Variants in SRP72 observed in about 807,000 individuals in gnomAD.
The protein encoded by SRP72 is signal recognition particle subunit SRP72.
In SRP72, 49 loss-of-function variants were observed where a neutral mutation model predicts 96.3. That is an observed-to-expected ratio of 0.51 (90% CI 0.40 to 0.65). SRP72 has a LOEUF of 0.65. Among genes scored for constraint, SRP72 ranks in the 30% least tolerant of loss-of-function variants. SRP72 has a pLI of 0.00. For synonymous variants in SRP72, 267 were observed against 275.2 expected (o/e 0.97, Z 0.30); for missense variants, 736 against 793.3 (o/e 0.93, Z 0.87).
chr4:56,499,237 A>G (rs1009796452), intron 17 of SRP72, among the ~76,000 whole-genome samples: 5 of 152,248 alleles, frequency 3.3e-5, no homozygotes, highest in Non-Finnish European at 7.3e-5. Flanking sequence ...CTCAAGATGG[A>G]TTAAAGACTT....
Position 56,502,483 on chromosome 4 carries a change from GT to G in SRP72, c.*623del, listed in dbSNP as rs1721296892. On this transcript the variant is annotated 3_prime_UTR_variant, in exon 19 of 19. Coordinates refer to ENST00000642900, the MANE Select transcript of SRP72 (RefSeq NM_006947.4). ...TTCATGTTTATATATATATATATAT[GT>G]ATATATATATACATATATATATATA... 2.2e-5 allele frequency: 2 copies of G among 91,098 alleles called. No individual in the cohort carries two copies. Among genetic ancestry groups the G allele is most frequent in the South Asian group, 6.7e-4 (2 of 2,980 alleles). 5.6% of individuals were successfully genotyped at this position (91,098 alleles called of 1,614,324 possible). A position where few individuals can be genotyped will look rare whatever the true frequency, so the allele number is the denominator to read the frequency against.
intron 1 of SRP72, among the ~76,000 whole-genome samples, chr4:56,468,867 T>C (rs972135396): frequency 3.3e-5 from 5 of 152,234 alleles, no homozygotes; most frequent in Admixed American, 6.5e-5. Flanking sequence ...TTTACCAGTA[T>C]GTTTTCTTAA....
At chr4:56,467,770 C>CCAGGGGGGG in intron 1 of SRP72, 26 bp downstream of exon 1, 4 of 567,260 alleles carry the variant, frequency 7.1e-6, no homozygotes, top group Non-Finnish European at 1.1e-5. Context: ...GGCACTGGGG[C>CCAGGGGGGG]GGGCCCAGGC....
intron 1 of SRP72, among the ~76,000 whole-genome samples, chr4:56,468,233 G>A (rs1231171233): frequency 6.6e-6 from 1 of 152,170 alleles, no homozygotes; most frequent in Non-Finnish European, 1.5e-5. Flanking sequence ...GGTGGAAGCT[G>A]TACGGGTTCT....
chr4:56,500,429 C>A, intron 17 of SRP72, 107 bp from the exon 18 acceptor site: 1 of 1,178,220 alleles, frequency 8.5e-7, no homozygotes, highest in South Asian at 1.8e-5. Context: ...CAAATAAATT[C>A]ATTTCCATTT....
intron 17 of SRP72, among the ~76,000 whole-genome samples, chr4:56,495,996 A>G (rs560148557): frequency 3.3e-5 from 5 of 152,308 alleles, no homozygotes; most frequent in African/African-American, 1.2e-4. Flanking sequence ...CCCTCTCCAG[A>G]CTTGGCAAGT....
At chr4:56,486,920 G>A (rs1043480620) in intron 11 of SRP72, among the ~76,000 whole-genome samples, 39 of 152,118 alleles carry the variant, frequency 2.6e-4, no homozygotes, top group Admixed American at 7.2e-4. Context: ...ATCTAACTTT[G>A]AATATCTAGA....
rs111802596 is a variant in SRP72 at position 56,474,719 on chromosome 4, T to C, written c.610+328T>C. ...TCACCACACCCAGCTAATTTTTGTATGTTTAGTAGAAATGGGGTTTCACCA... is the reference window on the plus strand; with the variant it reads ...TCACCACACCCAGCTAATTTTTGTACGTTTAGTAGAAATGGGGTTTCACCA... On this transcript the variant is annotated intron_variant, in intron 5 of 18. Transcript: ENST00000642900. 0.043 allele frequency among the ~76,000 whole-genome samples: 6,522 copies of C among 152,100 alleles called. 432 individuals are homozygous for C. Among genetic ancestry groups the C allele is most frequent in the African/African-American group, 0.15 (6,051 of 41,428 alleles).
intron 8 of SRP72, among the ~76,000 whole-genome samples, chr4:56,482,785 C>T (rs1008625915): frequency 6.6e-6 from 1 of 152,072 alleles, no homozygotes; most frequent in African/African-American, 2.4e-5. Flanking sequence ...TCAAAACAAG[C>T]AATTAATAGT....
chr4:56,476,568 C>G, intron 5 of SRP72, 103 bp from the exon 6 acceptor site: 1 of 1,215,940 alleles, frequency 8.2e-7, no homozygotes, highest in Non-Finnish European at 1.2e-6. Flanking sequence ...CTACGATTAT[C>G]TTGGAATCTT....
At chr4:56,482,285 C>CAAAA (rs536857516) in intron 8 of SRP72, among the ~76,000 whole-genome samples, 1 of 133,892 alleles carries the variant, frequency 7.5e-6, no homozygotes, top group Non-Finnish European at 1.6e-5. Context: ...ACTAAAAATA[C>CAAAA]AAAAAAAAAA....
intron 8 of SRP72, among the ~76,000 whole-genome samples, chr4:56,479,231 G>C (rs1720372662): frequency 6.6e-6 from 1 of 152,080 alleles, no homozygotes; most frequent in South Asian, 2.1e-4. Flanking sequence ...CCGGACTGGA[G>C]TGCAGTGACA....
intron 8 of SRP72, 82 bp downstream of exon 8, chr4:56,478,731 C>A: frequency 7.2e-7 from 1 of 1,385,742 alleles, no homozygotes; most frequent in Non-Finnish European, 9.9e-7. Flanking sequence ...CTAGGATAGC[C>A]TAAGTGTTCT....
chr4:56,489,478 C>A lies in SRP72; in HGVS notation c.1315C>A (p.His439Asn). The change falls in exon 13 of 19, where the codon CAT (histidine) becomes AAT (asparagine). Residue 439 changes from histidine to asparagine, a missense_variant. By Grantham distance (68) the His-to-Asn change is moderately conservative (BLOSUM62 1). Around this residue, in one of 3 missense-constraint regions of SRP72, gnomAD observed 388 missense variants for 431.8 expected, o/e 0.90. Transcript: ENST00000642900. The part of the protein sequence containing the change: ...FTQAIQWYQN[H>N]QPKSPAHLSL... ...ACAAGCTATCCAGTGGTATCAAAAC[C>A]ATCAGGTAAATAAATGGAGTAAAAT... is the stretch of plus-strand genomic sequence containing the variant. The A allele has an allele frequency of 6.4e-7, 1 of 1,565,432 alleles. No individual in the cohort carries two copies. The highest frequency in any genetic ancestry group is 8.7e-7 in the Non-Finnish European group (1 of 1,143,566).
chr4:56,502,954 C>G lies in SRP72; in HGVS notation c.*1093C>G, dbSNP rs1721319195. 1 of 152,184 alleles carries G rather than the reference C, an allele frequency of 6.6e-6. No homozygotes were observed. Among genetic ancestry groups the G allele is most frequent in the Non-Finnish European group, 1.5e-5 (1 of 68,024 alleles). The allele number at this position is 152,184 out of a possible 1,614,324, so 9.4% of individuals were successfully genotyped here. A position where few individuals can be genotyped will look rare whatever the true frequency, so the allele number is the denominator to read the frequency against. On this transcript the variant is annotated 3_prime_UTR_variant, in exon 19 of 19. Transcript: ENST00000642900. The stretch of plus-strand genomic sequence containing the variant: ...ACTTTCACATTGAACAGCTGTGAGA[C>G]AGACATATTGAGATGCCTGCCCTTG...
rs1446777229 is a variant in SRP72, at chr4:56,476,381, AATTG to A, written c.611-286_611-283del. On this transcript the variant is annotated intron_variant, in intron 5 of 18. Coordinates refer to ENST00000642900, the MANE Select transcript of SRP72 (RefSeq NM_006947.4). ...ATTGTTTATTTTTATACTTTTCTAT[AATTG>A]ATTTTTCGCAATTAATATTTACTAC... is the stretch of plus-strand genomic sequence containing the variant. 5.0e-5 allele frequency: 20 copies of A among 402,122 alleles called. No homozygotes were observed. The Middle Eastern group carries it at 1.9e-3, about 39-fold the overall frequency. 24.9% of individuals were successfully genotyped at this position (402,122 alleles called of 1,614,324 possible). A position where few individuals can be genotyped will look rare whatever the true frequency, so the allele number is the denominator to read the frequency against.
chr4:56,478,483 C>T lies in SRP72; in HGVS notation c.747C>T (p.Tyr249=). ...QGRTEEALQL[Y]NQIIKLKPTD... is the part of the protein sequence containing the mutation. ...GAACAGAGGAGGCTTTGCAACTTTA[C>T]AATCAAATAATAAAACTAAAGTGAG... is the stretch of plus-strand genomic sequence containing the variant. Residue 249 remains tyrosine (Y), a synonymous_variant, in exon 7 of 19, where the codon TAC becomes TAT. Coordinates refer to ENST00000642900, the MANE Select transcript of SRP72 (RefSeq NM_006947.4). 7 of 1,613,964 alleles carry T rather than the reference C, an allele frequency of 4.3e-6. No individual in the cohort carries two copies. The highest frequency in any genetic ancestry group is 3.3e-4 in the Middle Eastern group (2 of 6,032).
intron 16 of SRP72, among the ~76,000 whole-genome samples, chr4:56,492,830 C>T (rs142310629): frequency 0.012 from 1,872 of 152,110 alleles, 22 homozygotes; most frequent in Non-Finnish European, 0.021. Flanking sequence ...ACTAAGGACA[C>T]GCAGTTCCTT....
intron 9 of SRP72, among the ~76,000 whole-genome samples, chr4:56,484,329 C>A (rs948028454): frequency 1.3e-5 from 2 of 151,846 alleles, no homozygotes; most frequent in Non-Finnish European, 2.9e-5. Flanking sequence ...CCACCACGCC[C>A]GGCCGAGAGA....
Sources: gnomAD v4.1 joint callset for allele counts (sites outside exome capture counted in the v4.1 genomes callset) on GRCh38, gnomAD v4.1.1 for gene constraint, gnomAD v4.1.1 regional missense constraint, MANE v1.5 for transcripts, NCBI Gene and HGNC (gene_info 2026-07-23, HGNC 2026-07-21) for gene names.